PLAUR: variants seen among roughly 807,000 people sequenced by gnomAD.
PLAUR encodes plasminogen activator, urokinase receptor, also known as urokinase plasminogen activator surface receptor.
Under a neutral mutation model 33.4 loss-of-function variants are expected in PLAUR, and 22 were observed. The ratio of observed to expected loss-of-function variants is 0.66; its 90% confidence interval spans 0.47 to 0.94. The LOEUF is 0.94. Ranked by LOEUF, PLAUR falls within the 40% of genes least tolerant of loss-of-function variation. PLAUR has a pLI of 0.00. For missense variants in PLAUR, 408 were observed against 434.7 expected (o/e 0.94, Z 0.55); for synonymous variants, 148 against 167.3 (o/e 0.88, Z 0.89).
rs34622358 is a variant in PLAUR, at chr19:43,651,437, GT to G, written c.754+787del. ...AAATCACTGATATAAACAATAAAGA[GT>G]TTTTTTTTTTTTTTGAGACAAAGTC... On this transcript the variant is annotated intron_variant, in intron 6 of 6. Coordinates refer to ENST00000340093, the MANE Select transcript of PLAUR (RefSeq NM_002659.4). Among the ~76,000 whole-genome samples, 822 of 137,894 alleles carry G rather than the reference GT, an allele frequency of 6.0e-3. 3 individuals are homozygous for G. The highest frequency in any genetic ancestry group is 0.017 in the African/African-American group (640 of 37,548). 90.5% of individuals were successfully genotyped at this position (137,894 alleles called of 152,430 possible).
In PLAUR at chr19:43,665,313, C is replaced by T. The variant is rs4251832; in HGVS notation, c.310+3G>A. The T allele has an allele frequency of 0.019, 31,401 of 1,613,786 alleles. 397 individuals carry two copies. The highest frequency in any genetic ancestry group is 0.022 in the Non-Finnish European group (26,484 of 1,179,814). Reference sequence around the variant, plus strand: ...TGGGGATGGCAAGGGCTGCCCTACTCACCAGAGTTGCCCTGGTTGCACAAG... The same window carrying T: ...TGGGGATGGCAAGGGCTGCCCTACTTACCAGAGTTGCCCTGGTTGCACAAG... On this transcript the variant is annotated splice_donor_region_variant and intron_variant, in intron 3 of 6. Coordinates refer to ENST00000340093, the MANE Select transcript of PLAUR (RefSeq NM_002659.4).
At chr19:43,668,467 T>C (rs1406286618) in intron 1 of PLAUR, 1 of 182,534 alleles carries the variant, frequency 5.5e-6, no homozygotes, top group Admixed American at 7.1e-5. Context: ...TCCCTCCCTC[T>C]AGCTCCTCCT....
chr19:43,656,761 C>T, intron 3 of PLAUR, 121 bp from the exon 4 acceptor site: 1 of 726,788 alleles, frequency 1.4e-6, no homozygotes, highest in South Asian at 1.9e-5. Flanking sequence ...TCATTGAGCC[C>T]TGCCTATTCT....
At chr19:43,650,043 ACT>A (rs1210287198) in intron 6 of PLAUR, among the ~76,000 whole-genome samples, 1 of 144,706 alleles carries the variant, frequency 6.9e-6, no homozygotes, top group Non-Finnish European at 1.5e-5. Flanking sequence ...ATGGAGTCTC[ACT>A]CTGTCACCCA....
intron 1 of PLAUR, among the ~76,000 whole-genome samples, chr19:43,668,979 C>G (rs4251808): frequency 0.01 from 1,568 of 152,290 alleles, 24 homozygotes; most frequent in African/African-American, 0.036. Context: ...TCCCTAGGCC[C>G]GGTCCCCGAC....
chr19:43,658,797 GC>G (rs1334354774), intron 3 of PLAUR, among the ~76,000 whole-genome samples: 5 of 152,128 alleles, frequency 3.3e-5, no homozygotes, highest in Non-Finnish European at 7.3e-5. Flanking sequence ...TACATCCAAA[GC>G]CCAATCGTCC....
At position 43,664,153 on chromosome 19, in the gene PLAUR, C is replaced by T. The variant is rs1319271416; in HGVS notation, c.310+1163G>A. Among the ~76,000 whole-genome samples, 6 of 152,030 alleles carry T rather than the reference C, an allele frequency of 3.9e-5. No individual in the cohort carries two copies. In the East Asian group the frequency reaches 7.7e-4, roughly 20 times the overall value. On this transcript the variant is annotated intron_variant, in intron 3 of 6. Coordinates refer to ENST00000340093, the MANE Select transcript of PLAUR (RefSeq NM_002659.4). ...CCGAGACGGGAAGCCCACATCCTCT[C>T]GTCACTTCCTCAAAACAAACATCTG...
At position 43,656,645 on chromosome 19, in the gene PLAUR, T is replaced by C; in HGVS notation, c.311-5A>G. 6.3e-7 allele frequency: 1 copy of C among 1,587,004 alleles called. No homozygotes were observed. Among genetic ancestry groups the C allele is most frequent in the Non-Finnish European group, 8.6e-7 (1 of 1,163,564 alleles). On this transcript the variant is annotated splice_region_variant and splice_polypyrimidine_tract_variant and intron_variant, in intron 3 of 6. Transcript: ENST00000340093. ...GGGAATAGGTGACAGCCCGGCCTGT[T>C]TGGAAGAGGGGGAGGGGAGTGAGAC... is the stretch of plus-strand genomic sequence containing the variant.
chr19:43,652,219 C>T lies in PLAUR; in HGVS notation c.754+6G>A, dbSNP rs1974023032. 1.2e-6 allele frequency: 2 copies of T among 1,613,708 alleles called. No individual in the cohort carries two copies. The highest frequency in any genetic ancestry group is 2.7e-5 in the African/African-American group (2 of 74,896). On this transcript the variant is annotated splice_donor_region_variant and intron_variant, in intron 6 of 6. Transcript: ENST00000340093. ...TGTTCCCTCCCAGCCTCGGAGAGGG[C>T]CTCACCGTGAGTGCCGGTGGCTACC...
At position 43,669,824 on chromosome 19, in the gene PLAUR, A is replaced by C. The variant is rs895780701; in HGVS notation, c.55+242T>G. 6.0e-3 allele frequency among the ~76,000 whole-genome samples: 917 copies of C among 151,752 alleles called. 9 individuals are homozygous for C. The highest frequency in any genetic ancestry group is 0.021 in the African/African-American group (874 of 41,366). On this transcript the variant is annotated intron_variant, in intron 1 of 6. Transcript: ENST00000340093. ...GAGACTCTGTCAAAAAAAAAAAAAA[A>C]AAAAAAAAAGCACTCACTAAATTAT...
chr19:43,665,261 G>A (rs796162057), intron 3 of PLAUR, 55 bp downstream of exon 3: 8 of 1,564,844 alleles, frequency 5.1e-6, no homozygotes, highest in South Asian at 4.4e-5. Context: ...GGATGATGAT[G>A]AGGTTGAGCT....
At chr19:43,655,224 C>T (rs1340431874) in intron 5 of PLAUR, among the ~76,000 whole-genome samples, 2 of 129,242 alleles carry the variant, frequency 1.5e-5, no homozygotes, top group East Asian at 2.6e-4. Context: ...TTACAGTGAG[C>T]GGAGATCACG....
chr19:43,656,380 C>T, intron 4 of PLAUR, 99 bp downstream of exon 4: 2 of 1,118,238 alleles, frequency 1.8e-6, no homozygotes, highest in Non-Finnish European at 2.5e-6. Context: ...AGAACTTAGT[C>T]CCTTGCTGAC....
chr19:43,655,534 T>C lies in PLAUR; in HGVS notation c.512A>G (p.Tyr171Cys), dbSNP rs763744500. The C allele has an allele frequency of 2.6e-5, 42 of 1,614,152 alleles. No homozygotes were observed. In the East Asian group the frequency reaches 6.7e-4, roughly 26 times the overall value. The change falls in exon 5 of 7, where the codon TAC becomes TGC. Residue 171 changes from tyrosine to cysteine, a missense_variant. Transcript: ENST00000340093. ...ATTGGAGCCCGGGCAGCCGGGAAGGTAGCCACAGCCACGGAGGTGGCGGTC... is the reference window on the plus strand; with the variant it reads ...ATTGGAGCCCGGGCAGCCGGGAAGGCAGCCACAGCCACGGAGGTGGCGGTC... ...KDDRHLRGCG[Y>C]LPGCPGSNGF...
intron 5 of PLAUR, 99 bp downstream of exon 5, chr19:43,655,340 C>A: frequency 8.5e-7 from 1 of 1,182,142 alleles, no homozygotes; most frequent in Non-Finnish European, 1.2e-6. Context: ...AACAGAGGCC[C>A]AGAGAGGACT....
At chr19:43,646,750 C>A (rs1037629401), downstream of PLAUR, among the ~76,000 whole-genome samples, 2 of 150,716 alleles carry the variant, frequency 1.3e-5, no homozygotes, top group Admixed American at 6.6e-5. Flanking sequence ...AAACAAGAAC[C>A]TTGTCCCTCA....
intron 6 of PLAUR, 146 bp from the exon 7 acceptor site, chr19:43,649,289 T>C: frequency 1.1e-6 from 1 of 890,964 alleles, no homozygotes; most frequent in Non-Finnish European, 1.7e-6. Context: ...GTGTGGTGGC[T>C]CATGCCTGTA....
At chr19:43,652,146 A>G in intron 6 of PLAUR, 79 bp downstream of exon 6, 1 of 1,576,940 alleles carries the variant, frequency 6.3e-7, no homozygotes, top group South Asian at 1.1e-5. Context: ...AGTTAACTCC[A>G]GCTTAACTGG....
intron 5 of PLAUR, among the ~76,000 whole-genome samples, chr19:43,652,988 AT>A (rs932434665): frequency 6.6e-6 from 1 of 151,662 alleles, no homozygotes; most frequent in Non-Finnish European, 1.5e-5. Context: ...TTACTAAAAA[AT>A]TTTTTTTGAG....
Sources: gnomAD v4.1 joint callset for allele counts (sites outside exome capture counted in the v4.1 genomes callset) on GRCh38, gnomAD v4.1.1 for gene constraint, MANE v1.5 for transcripts, NCBI Gene and HGNC (gene_info 2026-07-23, HGNC 2026-07-21) for gene names.